MEI1: variants seen among roughly 807,000 people sequenced by gnomAD.
MEI1 encodes meiosis inhibitor protein 1.
Under a neutral mutation model 146.2 loss-of-function variants are expected in MEI1, and 103 were observed. The ratio of observed to expected loss-of-function variants is 0.70; its 90% CI spans 0.60 to 0.83. MEI1 has a LOEUF of 0.83. MEI1 is among the 40% of genes least tolerant of loss of function. The pLI is 0.00. For synonymous variants in MEI1, 652 were observed against 628.2 expected, an observed-to-expected ratio of 1.04 and a Z score of -0.57; for missense variants, 1,529 against 1,533.0, an observed-to-expected ratio of 1.00 and a Z score of 0.04.
Position 41,789,565 on chromosome 22 carries a change from A to C in MEI1, c.3346-4264A>C, listed in dbSNP as rs952089657. ...TTAAGTACATTCACATTGTTGTGCA[A>C]CTTTCACCATCATCCATCTCTAGAT... On this transcript the variant is annotated intron_variant, in intron 26 of 30. Coordinates refer to ENST00000401548, the MANE Select transcript of MEI1 (RefSeq NM_152513.4). Among the ~76,000 whole-genome samples the C allele has an allele frequency of 2.0e-5, 3 of 152,172 alleles. 1 individual carries two copies. Among genetic ancestry groups the C allele is most frequent in the Non-Finnish European group, 4.4e-5 (3 of 68,032 alleles).
At chr22:41,778,583 C>T (rs761945389) in intron 21 of MEI1, 125 bp from the exon 22 acceptor site, 4 of 663,884 alleles carry the variant, frequency 6.0e-6, no homozygotes, top group East Asian at 2.8e-5. Context: ...AACAAAACAC[C>T]TCACCCCTTA....
In MEI1 at chr22:41,743,068, C is replaced by T; in HGVS notation, c.1332-12C>T. On this transcript the variant is annotated splice_polypyrimidine_tract_variant and intron_variant, in intron 11 of 30. Coordinates refer to ENST00000401548, the MANE Select transcript of MEI1 (RefSeq NM_152513.4). ...CCTTACCGTGAACCTGCTTTTGTCT[C>T]TCTGGATGCAGGAAGGACCATCAGA... 1 of 1,598,924 alleles carries T rather than the reference C, an allele frequency of 6.3e-7. No individual in the cohort carries two copies. The highest frequency in any genetic ancestry group is 8.6e-7 in the Non-Finnish European group (1 of 1,168,008).
chr22:41,744,479 G>GTTTTTTTT, intron 12 of MEI1, among the ~76,000 whole-genome samples: 1 of 16,838 alleles, frequency 5.9e-5, no homozygotes, highest in Non-Finnish European at 1.0e-4. Context: ...GCTTTGCTAT[G>GTTTTTTTT]ATTTTTTTTT....
chr22:41,712,204 C>A (rs867807678), intron 3 of MEI1, among the ~76,000 whole-genome samples: 57 of 53,654 alleles, frequency 1.1e-3, no homozygotes, highest in East Asian at 2.9e-3. Context: ...AACTCCGGCT[C>A]AAAAAAAAAA....
At position 41,781,753 on chromosome 22, in the gene MEI1, G is replaced by T; in HGVS notation, c.2995G>T (p.Ala999Ser). ...LLEKMLALTL[A>S]KADSPRTALL... Reference sequence around the variant, plus strand: ...GGAGAAGATGCTGGCCCTCACCTTGGCAAAGGCAGATTCTCCCAGGACTGC... The same window carrying T: ...GGAGAAGATGCTGGCCCTCACCTTGTCAAAGGCAGATTCTCCCAGGACTGC... Residue 999 changes from alanine to serine, a missense_variant, in exon 24 of 31, where the codon GCA (alanine) becomes TCA (serine). Ala to Ser is a moderately conservative substitution (Grantham distance 99). Transcript: ENST00000401548. The T allele has an allele frequency of 6.2e-7, 1 of 1,613,958 alleles. No homozygotes were observed. The highest frequency in any genetic ancestry group is 8.5e-7 in the Non-Finnish European group (1 of 1,179,904).
At chr22:41,749,203 A>G (rs894023401) in intron 15 of MEI1, among the ~76,000 whole-genome samples, 5 of 152,112 alleles carry the variant, frequency 3.3e-5, no homozygotes, top group African/African-American at 1.2e-4. Context: ...GTTGTGCAAC[A>G]AGTCTACTGT....
intron 13 of MEI1, among the ~76,000 whole-genome samples, 167 bp downstream of exon 13, chr22:41,745,231 G>T (rs556386283): frequency 6.6e-6 from 1 of 152,246 alleles, no homozygotes; most frequent in South Asian, 2.1e-4. Context: ...GGAGGCTTGA[G>T]GACAGGCAGC....
chr22:41,712,816 T>G (rs1205706210), intron 3 of MEI1, among the ~76,000 whole-genome samples: 1 of 145,212 alleles, frequency 6.9e-6, no homozygotes, highest in East Asian at 2.0e-4. Context: ...TTTGTTTTTT[T>G]TTTTTTTTTA....
chr22:41,747,710 TA>T (rs972074130), intron 14 of MEI1, among the ~76,000 whole-genome samples: 1 of 146,460 alleles, frequency 6.8e-6, no homozygotes, highest in South Asian at 2.2e-4. Flanking sequence ...TCTCAAAGAA[TA>T]AAAAAAACCC....
At chr22:41,748,054 T>C in intron 14 of MEI1, 53 bp from the exon 15 acceptor site, 4 of 1,265,966 alleles carry the variant, frequency 3.2e-6, no homozygotes, top group Non-Finnish European at 4.6e-6. Flanking sequence ...TGATGCCTTT[T>C]CTTCAGAGGC....
chr22:41,786,509 G>A (rs1298904405), intron 26 of MEI1, among the ~76,000 whole-genome samples: 1 of 152,198 alleles, frequency 6.6e-6, no homozygotes, highest in Admixed American at 6.5e-5. Context: ...CTCACTGTCA[G>A]CTTTATTTTT....
At chr22:41,790,432 C>T (rs944499703) in intron 26 of MEI1, among the ~76,000 whole-genome samples, 3 of 152,030 alleles carry the variant, frequency 2.0e-5, no homozygotes, top group African/African-American at 7.3e-5. Context: ...TTCAATGATT[C>T]ATACATTCAG....
In MEI1 at chr22:41,795,504, A is replaced by T; in HGVS notation, c.3628A>T (p.Asn1210Tyr). Reference protein sequence around the residue: ...VALADLSTLSNTTLQALHGFF... With the variant: ...VALADLSTLSYTTLQALHGFF... ...TTTGGCTGACCTGTCTACCCTCTCG[A>T]ACACCACACTCCAGGCCCTGCATGG... The change falls in exon 29 of 31, where the codon AAC becomes TAC. Residue 1210 changes from asparagine (N) to tyrosine (Y), a missense_variant. Coordinates refer to ENST00000401548, the MANE Select transcript of MEI1 (RefSeq NM_152513.4). The surrounding 1 kb of genome is among the most constrained non-coding windows in gnomAD (Gnocchi z 4.2). The T allele has an allele frequency of 6.2e-7, 1 of 1,613,410 alleles. No homozygotes were observed. The highest frequency in any genetic ancestry group is 8.5e-7 in the Non-Finnish European group (1 of 1,179,748).
Position 41,760,441 on chromosome 22 carries a change from G to A in MEI1, c.2120+1908G>A, listed in dbSNP as rs553530969. Among the ~76,000 whole-genome samples the A allele has an allele frequency of 1.4e-4, 21 of 151,722 alleles. No individual in the cohort carries two copies. In the East Asian group the frequency reaches 3.7e-3, roughly 27 times the overall value. On this transcript the variant is annotated intron_variant, in intron 18 of 30. Transcript: ENST00000401548. ...GGAGAATTGCTTGAACCCGGGAGGC[G>A]GAGGTTGCAGTGAGCTGAGATCGTG...
chr22:41,766,740 C>T (rs774503384), intron 19 of MEI1, among the ~76,000 whole-genome samples: 1 of 151,680 alleles, frequency 6.6e-6, no homozygotes, highest in Non-Finnish European at 1.5e-5. Context: ...CCTGTAGAGA[C>T]GGACTGGTCT....
At position 41,793,872 on chromosome 22, in the gene MEI1, CCTTG is replaced by C. The variant is rs756902033; in HGVS notation, c.3394_3397del (p.Leu1132ThrfsTer41). On this transcript the variant is annotated frameshift_variant, in exon 27 of 31. Coordinates refer to ENST00000401548, the MANE Select transcript of MEI1 (RefSeq NM_152513.4). LOFTEE classifies it high-confidence loss of function. ...CAGGCCTGTGTTGGCTGCCTGGAGG[CCTTG>C]CTTGACTACCTGGATGCCCGGAGCC... 1.9e-6 allele frequency: 3 copies of C among 1,612,186 alleles called. No individual in the cohort carries two copies. In the East Asian group the frequency reaches 6.7e-5, roughly 36 times the overall value.
chr22:41,745,271 C>T (rs1282577163), intron 13 of MEI1, among the ~76,000 whole-genome samples: 1 of 152,080 alleles, frequency 6.6e-6, no homozygotes, highest in Non-Finnish European at 1.5e-5. Flanking sequence ...AAGATTCCTT[C>T]CTCATGGAGT....
At chr22:41,726,736 T>A (rs2071389893) in intron 7 of MEI1, among the ~76,000 whole-genome samples, 1 of 105,464 alleles carries the variant, frequency 9.5e-6, no homozygotes, top group Admixed American at 8.5e-5. Context: ...AGATACAATA[T>A]GTCATTTCTT....
chr22:41,711,379 G>A, intron 3 of MEI1, among the ~76,000 whole-genome samples: 1 of 152,140 alleles, frequency 6.6e-6, no homozygotes, highest in East Asian at 1.9e-4. Flanking sequence ...CACCGTGTTA[G>A]CCAGGATGGT....
Sources: gnomAD v4.1 joint callset for allele counts (sites outside exome capture counted in the v4.1 genomes callset) on GRCh38, gnomAD v4.1.1 for gene constraint, Gnocchi (gnomAD v3.1) non-coding constraint, MANE v1.5 for transcripts, NCBI Gene and HGNC (gene_info 2026-07-23, HGNC 2026-07-21) for gene names.